The following DHRS7 variants were observed in gnomAD, a reference collection of about 807,000 sequenced individuals.
The protein encoded by DHRS7 is dehydrogenase/reductase SDR family member 7.
In DHRS7, 34 loss-of-function variants were observed where a neutral mutation model predicts 38.9. The observed-to-expected ratio is 0.87, with a 90% confidence interval of 0.66 to 1.16. The LOEUF (loss-of-function observed/expected upper bound fraction) is 1.16. Among genes scored for constraint, DHRS7 ranks in the 50% most tolerant of loss-of-function variants. The pLI, the probability that DHRS7 is intolerant of heterozygous loss-of-function variation, is 0.00. For synonymous variants in DHRS7, 158 were observed against 153.1 expected (o/e 1.03, Z -0.24); for missense variants, 421 against 407.0 (o/e 1.03, Z -0.30).
At chr14:60,160,885 C>T (rs1466069534) in intron 1 of DHRS7, among the ~76,000 whole-genome samples, 2 of 152,228 alleles carry the variant, frequency 1.3e-5, no homozygotes, top group Non-Finnish European at 2.9e-5. Context: ...GCTACCGCAT[C>T]TGGCCAACTT....
chr14:60,157,746 ATAAC>A (rs1896686735), intron 1 of DHRS7, among the ~76,000 whole-genome samples: 1 of 137,836 alleles, frequency 7.3e-6, no homozygotes, highest in Admixed American at 6.8e-5. Flanking sequence ...GGCTCCATAA[ATAAC>A]TACTGAATAA....
chr14:60,164,961 C>T (rs1277034053), intron 1 of DHRS7, among the ~76,000 whole-genome samples: 2 of 152,234 alleles, frequency 1.3e-5, no homozygotes, highest in African/African-American at 4.8e-5. Context: ...AAGTCCATGC[C>T]ATCTTCCGAC....
intron 4 of DHRS7, among the ~76,000 whole-genome samples, chr14:60,152,130 A>G (rs538897854): frequency 4.6e-5 from 7 of 152,354 alleles, no homozygotes; most frequent in African/African-American, 1.2e-4. Flanking sequence ...CCATGTAGCT[A>G]TTGCATCTCA....
At chr14:60,165,431 C>T (rs1459944587), upstream of DHRS7, 4 of 1,407,480 alleles carry the variant, frequency 2.8e-6, no homozygotes, top group East Asian at 8.5e-5. This position sits in a 1 kb window ranked among gnomAD's most constrained non-coding sequence, Gnocchi z 4.6. Flanking sequence ...CCCGGCTCCG[C>T]CCAGGGAGCA....
chr14:60,165,566 T>C (rs1896856717), upstream of DHRS7: 4 of 1,260,342 alleles, frequency 3.2e-6, no homozygotes, highest in East Asian at 3.5e-5. This position sits in a 1 kb window ranked among gnomAD's most constrained non-coding sequence, Gnocchi z 4.6. Context: ...TGAATTCAAG[T>C]GTCCGAGACC....
rs1475740780 is a variant in DHRS7 at position 60,153,383 on chromosome 14, A to T, written c.394-205T>A. On this transcript the variant is annotated intron_variant, in intron 3 of 6. Transcript: ENST00000557185. This position sits in a 1 kb window ranked among gnomAD's most constrained non-coding sequence, Gnocchi z 4.4. ...TTCCCGTTTTAGGTGACTTTTTGTG[A>T]AAGTTAATAATTGTCATTAAAATAA... Among the ~76,000 whole-genome samples, 1 of 152,188 alleles carries T rather than the reference A, an allele frequency of 6.6e-6. No individual in the cohort carries two copies. Among genetic ancestry groups the T allele is most frequent in the Non-Finnish European group, 1.5e-5 (1 of 68,032 alleles).
In DHRS7 at chr14:60,155,993, C is replaced by T. The variant is rs760342960; in HGVS notation, c.286+7G>A. On this transcript the variant is annotated splice_region_variant and intron_variant, in intron 2 of 6. Coordinates refer to ENST00000557185, the MANE Select transcript of DHRS7 (RefSeq NM_016029.4). Reference sequence around the variant, plus strand: ...GGAAGCACCGCTGCTATTTCAGATCCGCTTACCTAGGCATCTTCTTTTCAC... The same window carrying T: ...GGAAGCACCGCTGCTATTTCAGATCTGCTTACCTAGGCATCTTCTTTTCAC... The T allele has an allele frequency of 9.1e-6, 14 of 1,539,826 alleles. No homozygotes were observed. The East Asian group carries it at 1.2e-4, about 13-fold the overall frequency.
rs754170475 is a variant in DHRS7 at position 60,153,970 on chromosome 14, C to G, written c.382G>C (p.Glu128Gln). 1 of 1,613,830 alleles carries G rather than the reference C, an allele frequency of 6.2e-7. No individual in the cohort carries two copies. Among genetic ancestry groups the G allele is most frequent in the Non-Finnish European group, 8.5e-7 (1 of 1,179,728 alleles). ...AAGATGCTACTTACTCTACCAAACT[C>G]CTGGAGAACAGCTTTGGTAGCCGCT... ...HEAATKAVLQEFGRIDILVNN... is the reference protein window; with the variant it reads ...HEAATKAVLQQFGRIDILVNN... The change falls in exon 3 of 7, where the codon GAG becomes CAG. Residue 128 changes from glutamate (E) to glutamine (Q), a missense_variant. Physicochemically the swap from Glu to Gln is conservative, Grantham distance 29. Transcript: ENST00000557185. The surrounding 1 kb of genome is among the most constrained non-coding windows in gnomAD (Gnocchi z 4.4).
At position 60,153,874 on chromosome 14, in the gene DHRS7, G is replaced by T; in HGVS notation, c.393+85C>A. ...ACTGCATGGACCCCACTTGCCTAAA[G>T]CCCTTTGTATGACAGCACCACGGAT... On this transcript the variant is annotated intron_variant, in intron 3 of 6. Coordinates refer to ENST00000557185, the MANE Select transcript of DHRS7 (RefSeq NM_016029.4). This position sits in a 1 kb window ranked among gnomAD's most constrained non-coding sequence, Gnocchi z 4.4. 1 of 1,253,198 alleles carries T rather than the reference G, an allele frequency of 8.0e-7. No individual in the cohort carries two copies. The highest frequency in any genetic ancestry group is 2.3e-5 in the East Asian group (1 of 42,726). 77.6% of individuals were successfully genotyped at this position (1,253,198 alleles called of 1,614,324 possible). A position where few individuals can be genotyped will look rare whatever the true frequency, so the allele number is the denominator to read the frequency against.
chr14:60,149,759 T>C (rs1273743911), intron 5 of DHRS7, among the ~76,000 whole-genome samples, 191 bp from the exon 6 acceptor site: 1 of 152,018 alleles, frequency 6.6e-6, no homozygotes, highest in Non-Finnish European at 1.5e-5. Context: ...AGAAACCATA[T>C]GCTTACTAGA....
In DHRS7 at chr14:60,153,649, T is replaced by C. The variant is rs1284092516; in HGVS notation, c.393+310A>G. Among the ~76,000 whole-genome samples the C allele has an allele frequency of 6.6e-6, 1 of 152,158 alleles. No homozygotes were observed. The highest frequency in any genetic ancestry group is 1.5e-5 in the Non-Finnish European group (1 of 68,034). On this transcript the variant is annotated intron_variant, in intron 3 of 6. Coordinates refer to ENST00000557185, the MANE Select transcript of DHRS7 (RefSeq NM_016029.4). This position sits in a 1 kb window ranked among gnomAD's most constrained non-coding sequence, Gnocchi z 4.4. ...AGGCGGAGATTGCAGTGAACCGATA[T>C]CACACCACTGCACTCCAGCCTGGGC...
upstream of DHRS7, among the ~76,000 whole-genome samples, chr14:60,167,837 C>T (rs1896886787): frequency 6.6e-6 from 1 of 152,162 alleles, no homozygotes; most frequent in South Asian, 2.1e-4. Context: ...GCCATAGTGC[C>T]AGCTAGCCAG....
chr14:60,149,306 C>G, intron 6 of DHRS7, 47 bp downstream of exon 6: 1 of 1,574,512 alleles, frequency 6.4e-7, no homozygotes, highest in African/African-American at 1.3e-5. Context: ...CTGTACCTTC[C>G]TGCAAGATTG....
At chr14:60,163,101 T>A (rs370934173) in intron 1 of DHRS7, among the ~76,000 whole-genome samples, 7 of 150,592 alleles carry the variant, frequency 4.6e-5, no homozygotes, top group Admixed American at 6.6e-5. Flanking sequence ...ACCCAGGAGA[T>A]AGAGGTTGCA....
rs1448905084 is a variant in DHRS7, at chr14:60,149,455, AGGTT to A, written c.866_869del (p.Gln289LeufsTer4). ...GCCACAAATATGTTACTAACAAGAA[AGGTT>A]GTTCTGAGATCCAAACTTCTTTCAA... is the stretch of plus-strand genomic sequence containing the variant. On this transcript the variant is annotated frameshift_variant, in exon 6 of 7. Coordinates refer to ENST00000557185, the MANE Select transcript of DHRS7 (RefSeq NM_016029.4). LOFTEE classifies it high-confidence loss of function. 1 of 1,614,090 alleles carries A rather than the reference AGGTT, an allele frequency of 6.2e-7. No homozygotes were observed. The highest frequency in any genetic ancestry group is 8.5e-7 in the Non-Finnish European group (1 of 1,180,032).
intron 1 of DHRS7, among the ~76,000 whole-genome samples, chr14:60,163,227 A>ATAAGCATATGAC (rs1035618473): frequency 6.6e-5 from 10 of 152,350 alleles, no homozygotes; most frequent in Middle Eastern, 3.4e-3. Flanking sequence ...ATATGACTAA[A>ATAAGCATATGAC]TAAGCATATG....
intron 2 of DHRS7, among the ~76,000 whole-genome samples, chr14:60,154,843 C>T (rs1042294576): frequency 6.6e-6 from 1 of 152,178 alleles, no homozygotes; most frequent in African/African-American, 2.4e-5. Context: ...ATCTACTCCA[C>T]CAGTACAGGA....
At chr14:60,149,653 G>A in intron 5 of DHRS7, 85 bp from the exon 6 acceptor site, 1 of 1,070,226 alleles carries the variant, frequency 9.3e-7, no homozygotes, top group Non-Finnish European at 1.3e-6. Flanking sequence ...CCGTCTAGTT[G>A]AGTGGTTCCT....
chr14:60,154,026 G>C lies in DHRS7; in HGVS notation c.326C>G (p.Pro109Arg). The C allele has an allele frequency of 6.2e-7, 1 of 1,613,990 alleles. No homozygotes were observed. Among genetic ancestry groups the C allele is most frequent in the Admixed American group, 1.7e-5 (1 of 60,000 alleles). The part of the protein sequence containing the change: ...NLKEKDILVL[P>R]LDLTDTGSHE... ...GGAACCAGTGTCGGTCAGGTCAAGGGGCAAAACAAGTATATCTTTTTCTTT... is the reference window on the plus strand; with the variant it reads ...GGAACCAGTGTCGGTCAGGTCAAGGCGCAAAACAAGTATATCTTTTTCTTT... Residue 109 changes from proline to arginine, a missense_variant, in exon 3 of 7, where the codon CCC becomes CGC. Transcript: ENST00000557185.
Sources: allele counts gnomAD v4.1 joint callset (sites outside exome capture counted in the v4.1 genomes callset), GRCh38; gene constraint gnomAD v4.1.1; non-coding constraint Gnocchi (gnomAD v3.1); transcripts MANE v1.5; gene names NCBI Gene and HGNC (gene_info 2026-07-23, HGNC 2026-07-21).